LINGO2: variants seen among roughly 807,000 people sequenced by gnomAD.
LINGO2 encodes leucine-rich repeat and immunoglobulin-like domain-containing nogo receptor-interacting protein 2.
Under a neutral mutation model 30.6 loss-of-function variants are expected in LINGO2, and 14 were observed. The observed-to-expected ratio is 0.46, with a 90% confidence interval of 0.30 to 0.72. The LOEUF is 0.72. Among genes scored for constraint, LINGO2 ranks in the 30% least tolerant of loss-of-function variants. LINGO2 has a pLI of 0.07. For missense variants in LINGO2, 729 were observed against 751.7 expected (o/e 0.97, Z 0.35); for synonymous variants, 317 against 288.5 (o/e 1.10, Z -1.00).
At chr9:28,556,227 G>C (rs891014531) in intron 1 of LINGO2, among the ~76,000 whole-genome samples, 7 of 152,056 alleles carry the variant, frequency 4.6e-5, no homozygotes, top group Non-Finnish European at 1.0e-4. Context: ...CAGACGACAT[G>C]ATTGTATATC....
At chr9:28,093,050 A>T (rs1467182878) in intron 4 of LINGO2, among the ~76,000 whole-genome samples, 2 of 152,100 alleles carry the variant, frequency 1.3e-5, no homozygotes, top group Non-Finnish European at 2.9e-5. Flanking sequence ...CAAGTTGAAC[A>T]GGTAAGATTT....
the LINGO2 span, among the ~76,000 whole-genome samples, chr9:28,789,008 T>C: frequency 4.6e-5 from 7 of 152,330 alleles, no homozygotes; most frequent in Admixed American, 4.6e-4. Context: ...AATATAAACC[T>C]ATTATTTCTG....
At chr9:28,150,793 C>T (rs879063239) in intron 4 of LINGO2, among the ~76,000 whole-genome samples, 5 of 152,048 alleles carry the variant, frequency 3.3e-5, no homozygotes, top group South Asian at 4.1e-4. Flanking sequence ...CCTCGTAAAG[C>T]GCCTGTACCA....
intron 2 of LINGO2, among the ~76,000 whole-genome samples, chr9:28,382,452 T>C (rs1393202245): frequency 3.3e-5 from 5 of 152,104 alleles, no homozygotes; most frequent in Admixed American, 3.3e-4. Flanking sequence ...CATTACTAGG[T>C]GCTCATTTAT....
chr9:28,025,943 T>A (rs1490106131), intron 4 of LINGO2, among the ~76,000 whole-genome samples: 1 of 152,206 alleles, frequency 6.6e-6, no homozygotes, highest in Non-Finnish European at 1.5e-5. Flanking sequence ...CTCAAATTCC[T>A]TCAGTGGCTT....
chr9:28,291,645 A>G (rs1253604023), intron 4 of LINGO2, among the ~76,000 whole-genome samples: 2 of 152,230 alleles, frequency 1.3e-5, no homozygotes. Context: ...AGATGAAAAG[A>G]AACCATTCGA....
the LINGO2 span, among the ~76,000 whole-genome samples, chr9:28,880,896 T>A: frequency 3.3e-5 from 5 of 152,202 alleles, no homozygotes; most frequent in Non-Finnish European, 5.9e-5. Context: ...CTGGCCTACG[T>A]GCACATCCAG....
At chr9:28,579,081 G>C (rs1000147778) in intron 1 of LINGO2, among the ~76,000 whole-genome samples, 1 of 149,498 alleles carries the variant, frequency 6.7e-6, no homozygotes. Context: ...TGTTTCTACA[G>C]CTACACAGTA....
At chr9:29,007,690 G>A in the LINGO2 span, among the ~76,000 whole-genome samples, 1 of 152,066 alleles carries the variant, frequency 6.6e-6, no homozygotes, top group South Asian at 2.1e-4. Context: ...AGAGGATTCA[G>A]TGATATCCAA....
intron 1 of LINGO2, among the ~76,000 whole-genome samples, chr9:28,541,499 T>G (rs531724446): frequency 6.6e-6 from 1 of 152,308 alleles, no homozygotes; most frequent in Non-Finnish European, 1.5e-5. Context: ...GAGCAATTTT[T>G]ATAATTGAGT....
intron 4 of LINGO2, among the ~76,000 whole-genome samples, chr9:28,054,491 GTA>G (rs1197807593): frequency 6.6e-6 from 1 of 152,250 alleles, no homozygotes; most frequent in South Asian, 2.1e-4. Context: ...AGCTAACGTA[GTA>G]TATATTAGGT....
At chr9:29,022,991 AG>A in the LINGO2 span, among the ~76,000 whole-genome samples, 10 of 149,554 alleles carry the variant, frequency 6.7e-5, no homozygotes, top group East Asian at 2.0e-4. Flanking sequence ...AAAAAAAAAA[AG>A]AGAGAAATTA....
At chr9:28,055,667 T>C (rs758296735) in intron 4 of LINGO2, among the ~76,000 whole-genome samples, 14 of 152,170 alleles carry the variant, frequency 9.2e-5, no homozygotes, top group African/African-American at 1.4e-4. Flanking sequence ...GTTTGCTAGA[T>C]TGTCAAAAAA....
intron 3 of LINGO2, among the ~76,000 whole-genome samples, chr9:28,297,385 A>G (rs1823962858): frequency 6.6e-6 from 1 of 152,148 alleles, no homozygotes; most frequent in African/African-American, 2.4e-5. Context: ...TTCATTCCAC[A>G]CATTTTATTT....
chr9:29,087,963 C>A, the LINGO2 span, among the ~76,000 whole-genome samples: 12 of 152,050 alleles, frequency 7.9e-5, no homozygotes, highest in African/African-American at 2.9e-4. Context: ...TATATGCTGG[C>A]ACATGTTGAG....
chr9:28,001,049 T>A (rs1821924900), intron 5 of LINGO2, among the ~76,000 whole-genome samples: 1 of 152,242 alleles, frequency 6.6e-6, no homozygotes, highest in Non-Finnish European at 1.5e-5. Flanking sequence ...TTTCTAGACA[T>A]CATCTGTTTG....
intron 4 of LINGO2, among the ~76,000 whole-genome samples, chr9:28,285,704 T>A (rs1823484026): frequency 6.6e-6 from 1 of 152,062 alleles, no homozygotes; most frequent in Non-Finnish European, 1.5e-5. Context: ...TGCACCCTGC[T>A]GCCCAAGATC....
chr9:28,868,140 G>A, the LINGO2 span, among the ~76,000 whole-genome samples: 4 of 151,940 alleles, frequency 2.6e-5, no homozygotes, highest in East Asian at 3.9e-4. Flanking sequence ...AGTGTGTGTC[G>A]TTAACTTTGC....
chr9:28,187,638 T>G (rs530218767), intron 4 of LINGO2, among the ~76,000 whole-genome samples: 1 of 152,080 alleles, frequency 6.6e-6, no homozygotes, highest in Non-Finnish European at 1.5e-5. Flanking sequence ...TTTCCGATAT[T>G]TTAGGTTTGC....
Sources: gnomAD v4.1 joint callset for allele counts (sites outside exome capture counted in the v4.1 genomes callset) on GRCh38, gnomAD v4.1.1 for gene constraint, MANE v1.5 for transcripts, NCBI Gene and HGNC (gene_info 2026-07-23, HGNC 2026-07-21) for gene names.